The following MLLT1 variants were observed in gnomAD, a reference collection of about 807,000 sequenced individuals.
MLLT1 encodes MLLT1 super elongation complex subunit.
MLLT1 carries 11 observed loss-of-function variants against 55.1 expected under a neutral mutation model. The ratio of observed to expected loss-of-function variants is 0.20; its 90% CI spans 0.13 to 0.33. The LOEUF (loss-of-function observed/expected upper bound fraction) is 0.33. MLLT1 is among the 10% of genes least tolerant of loss of function. The probability of loss-of-function intolerance (pLI) is 1.00; values close to 1 mark genes in which losing one functional copy is unlikely to be tolerated. For missense variants in MLLT1, 536 were observed against 760.6 expected (o/e 0.70, Z 3.47); for synonymous variants, 323 against 320.1 (o/e 1.01, Z -0.10).
At chr19:6,238,190 G>A (rs28472921) in intron 3 of MLLT1, among the ~76,000 whole-genome samples, 3,389 of 152,326 alleles carry the variant, frequency 0.022, 141 homozygotes, top group African/African-American at 0.078. Context: ...CACACACACA[G>A]AGCTTCCCTC....
intron 3 of MLLT1, among the ~76,000 whole-genome samples, chr19:6,234,957 T>C (rs1047289153): frequency 3.3e-5 from 5 of 152,080 alleles, no homozygotes; most frequent in African/African-American, 1.2e-4. Context: ...TAAGGGATTA[T>C]TAATCATCAA....
rs1300414192 is a variant in MLLT1 at position 6,226,795 on chromosome 19, T to A, written c.546+182A>T. On this transcript the variant is annotated intron_variant, in intron 5 of 11. Transcript: ENST00000252674. The surrounding 1 kb of genome is among the most constrained non-coding windows in gnomAD (Gnocchi z 6.3). ...AAAGAGCCCATGATCACGGGCTTATTCCTGAAATCCTAGGGAAGCGGCAGT... is the reference window on the plus strand; with the variant it reads ...AAAGAGCCCATGATCACGGGCTTATACCTGAAATCCTAGGGAAGCGGCAGT... Among the ~76,000 whole-genome samples, 1 of 152,064 alleles carries A rather than the reference T, an allele frequency of 6.6e-6. No individual in the cohort carries two copies. Among genetic ancestry groups the A allele is most frequent in the Non-Finnish European group, 1.5e-5 (1 of 68,008 alleles).
Position 6,216,423 on chromosome 19 carries a change from T to C in MLLT1, c.1289A>G (p.Asn430Ser). Residue 430 changes from asparagine to serine, a missense_variant, in exon 8 of 12, where the codon AAC becomes AGC. Asn to Ser is a conservative substitution (Grantham distance 46, BLOSUM62 1). Around this residue, in one of 3 missense-constraint regions of MLLT1, gnomAD observed 449 missense variants for 489.0 expected, o/e 0.92. Transcript: ENST00000252674. ...CCGTCACCTGGAGTCCCTCCCCGGG[T>C]TGGTCTTGCCGGCAGCCTCCTCGCC... ...SSGEEAAGKTNPGRDSRLSFS... is the reference protein window; with the variant it reads ...SSGEEAAGKTSPGRDSRLSFS... 1.2e-6 allele frequency: 2 copies of C among 1,606,772 alleles called. No individual in the cohort carries two copies. The highest frequency in any genetic ancestry group is 1.7e-6 in the Non-Finnish European group (2 of 1,177,738).
Position 6,262,372 on chromosome 19 carries a change from G to C in MLLT1, c.194-62C>G. On this transcript the variant is annotated intron_variant, in intron 2 of 11. Coordinates refer to ENST00000252674, the MANE Select transcript of MLLT1 (RefSeq NM_005934.4). The surrounding 1 kb of genome is among the most constrained non-coding windows in gnomAD (Gnocchi z 4.4). The stretch of plus-strand genomic sequence containing the variant: ...CTGCCTGTTTCAGGCCCAGCTGCCA[G>C]CGGCAGTACCGCACCCCTCAACCCC... The C allele has an allele frequency of 6.9e-7, 1 of 1,454,652 alleles. No individual in the cohort carries two copies. The highest frequency in any genetic ancestry group is 9.6e-7 in the Non-Finnish European group (1 of 1,043,650). The allele number at this position is 1,454,652 out of a possible 1,614,324, so 90.1% of individuals were successfully genotyped here.
At chr19:6,236,596 C>T in intron 3 of MLLT1, among the ~76,000 whole-genome samples, 1 of 152,128 alleles carries the variant, frequency 6.6e-6, no homozygotes, top group South Asian at 2.1e-4. Context: ...CGGCCAGCAC[C>T]CTGGGATTGA....
At chr19:6,246,991 G>A (rs1410886892) in intron 3 of MLLT1, among the ~76,000 whole-genome samples, 1 of 152,180 alleles carries the variant, frequency 6.6e-6, no homozygotes, top group Non-Finnish European at 1.5e-5. Flanking sequence ...TACTTTCCGG[G>A]TATCCTGGAA....
Position 6,230,528 on chromosome 19 carries a change from G to A in MLLT1, c.420+42C>T, listed in dbSNP as rs200162357. 4.9e-5 allele frequency: 79 copies of A among 1,606,322 alleles called. No individual in the cohort carries two copies. The highest frequency in any genetic ancestry group is 6.7e-5 in the African/African-American group (5 of 74,654). ...CAGACGGCCGCAGCAAAGTAGCCTC[G>A]GTGGAGCGGCCCCTTGGCGGGCAGG... On this transcript the variant is annotated intron_variant, in intron 4 of 11. Coordinates refer to ENST00000252674, the MANE Select transcript of MLLT1 (RefSeq NM_005934.4). The surrounding 1 kb of genome is among the most constrained non-coding windows in gnomAD (Gnocchi z 9.0).
intron 3 of MLLT1, among the ~76,000 whole-genome samples, chr19:6,237,148 G>A (rs977132308): frequency 6.6e-6 from 1 of 152,248 alleles, no homozygotes; most frequent in Non-Finnish European, 1.5e-5. Context: ...CACAGGCGCC[G>A]AGTGGCCAGG....
chr19:6,212,197 A>T lies in MLLT1; in HGVS notation c.*845T>A. 1.9e-6 allele frequency: 2 copies of T among 1,066,130 alleles called. No homozygotes were observed. The highest frequency in any genetic ancestry group is 2.3e-6 in the Non-Finnish European group (2 of 879,534). The allele number at this position is 1,066,130 out of a possible 1,614,324, so 66.0% of individuals were successfully genotyped here. On this transcript the variant is annotated 3_prime_UTR_variant, in exon 12 of 12. Transcript: ENST00000252674. ...GCTAGTCTGAGTAGAGCCCGAGAGC[A>T]GACTGGTGGCTCCCGGGCGCCCTGA...
intron 3 of MLLT1, among the ~76,000 whole-genome samples, chr19:6,237,573 C>T (rs1170331093): frequency 1.1e-4 from 16 of 145,564 alleles, no homozygotes; most frequent in Admixed American, 9.0e-4. Flanking sequence ...CTGGCTAACA[C>T]AGTGAAACCC....
At chr19:6,252,745 G>C (rs953058326) in intron 3 of MLLT1, among the ~76,000 whole-genome samples, 1 of 152,110 alleles carries the variant, frequency 6.6e-6, no homozygotes, top group Admixed American at 6.5e-5. Context: ...AAAAGGCATA[G>C]AGTGAATCAA....
At chr19:6,251,765 C>T (rs1263481163) in intron 3 of MLLT1, among the ~76,000 whole-genome samples, 1 of 134,734 alleles carries the variant, frequency 7.4e-6, no homozygotes, top group Admixed American at 7.3e-5. Context: ...TCTCTACCTC[C>T]CACCAAAAAA....
intron 3 of MLLT1, among the ~76,000 whole-genome samples, chr19:6,250,533 T>G (rs942716030): frequency 6.6e-6 from 1 of 152,192 alleles, no homozygotes; most frequent in Non-Finnish European, 1.5e-5. Context: ...AGATAACCTA[T>G]GCACACCCTC....
At chr19:6,224,319 C>T (rs898454044) in intron 5 of MLLT1, among the ~76,000 whole-genome samples, 1 of 152,256 alleles carries the variant, frequency 6.6e-6, no homozygotes, top group Non-Finnish European at 1.5e-5. Context: ...GGAGTGCCCC[C>T]AGAATCCCCC....
Position 6,211,722 on chromosome 19 carries a change from C to G in MLLT1, c.*1320G>C. The G allele has an allele frequency of 9.4e-7, 1 of 1,064,604 alleles. No individual in the cohort carries two copies. Among genetic ancestry groups the G allele is most frequent in the Non-Finnish European group, 1.1e-6 (1 of 878,786 alleles). The allele number at this position is 1,064,604 out of a possible 1,614,324, so 65.9% of individuals were successfully genotyped here. On this transcript the variant is annotated 3_prime_UTR_variant, in exon 12 of 12. Transcript: ENST00000252674. This position sits in a 1 kb window ranked among gnomAD's most constrained non-coding sequence, Gnocchi z 4.6. ...TCAATGTCTGGGAAACAGAGGCTAA[C>G]CAGGCAGGCCTCCAGCCCCTGGGAC...
intron 3 of MLLT1, among the ~76,000 whole-genome samples, chr19:6,232,135 C>T (rs190852667): frequency 1.3e-3 from 191 of 152,244 alleles, no homozygotes; most frequent in African/African-American, 4.3e-3. Context: ...ACTCGGGAGA[C>T]TGAGGCAGGA....
At chr19:6,243,478 A>T (rs184046132) in intron 3 of MLLT1, among the ~76,000 whole-genome samples, 32 of 152,290 alleles carry the variant, frequency 2.1e-4, no homozygotes, top group Admixed American at 2.1e-3. Context: ...ACATCATGGG[A>T]CAGGCGTGGG....
chr19:6,264,244 C>A (rs1411609562), intron 2 of MLLT1, among the ~76,000 whole-genome samples: 1 of 151,748 alleles, frequency 6.6e-6, no homozygotes, highest in Non-Finnish European at 1.5e-5. Context: ...ATTCCCCCTC[C>A]ACCCCTCCCC....
chr19:6,254,993 A>C (rs2091246977), intron 3 of MLLT1, among the ~76,000 whole-genome samples: 1 of 148,432 alleles, frequency 6.7e-6, no homozygotes, highest in African/African-American at 2.5e-5. Flanking sequence ...AAAAAAAAAA[A>C]CAACACCCTA....
Sources: allele counts gnomAD v4.1 joint callset (sites outside exome capture counted in the v4.1 genomes callset), GRCh38; gene constraint gnomAD v4.1.1; regional missense constraint gnomAD v4.1.1; non-coding constraint Gnocchi (gnomAD v3.1); transcripts MANE v1.5; gene names NCBI Gene and HGNC (gene_info 2026-07-23, HGNC 2026-07-21).